KHSRP: variants seen among roughly 807,000 people sequenced by gnomAD.
KHSRP encodes the protein far upstream element-binding protein 2.
Under a neutral mutation model 94.9 loss-of-function variants are expected in KHSRP, and 13 were observed. That is an observed-to-expected ratio of 0.14 (90% confidence interval 0.09 to 0.22). The LOEUF is 0.22. Ranked by LOEUF, KHSRP falls within the 10% of genes least tolerant of loss-of-function variation. KHSRP has a pLI of 1.00. For missense variants in KHSRP, 710 were observed against 1,010.0 expected (o/e 0.70, Z 4.03); for synonymous variants, 495 against 401.4 (o/e 1.23, Z -2.79).
intron 1 of KHSRP, among the ~76,000 whole-genome samples, chr19:6,423,436 G>C (rs2092207187): frequency 1.3e-5 from 2 of 152,240 alleles, no homozygotes; most frequent in African/African-American, 4.8e-5. Flanking sequence ...CTTTCCACCA[G>C]TCTCCATTTT....
rs755808741 is a variant in KHSRP, at chr19:6,416,363, A to AGGGCCTGGGCCACCT, written c.1518_1532dup (p.Gly507_Pro511dup). 1 of 1,611,466 alleles carries AGGGCCTGGGCCACCT rather than the reference A, an allele frequency of 6.2e-7. No individual in the cohort carries two copies. The highest frequency in any genetic ancestry group is 1.7e-5 in the Admixed American group (1 of 59,072). ...GATTGAAGGGCCCCATTGGGCCAGC[A>AGGGCCTGGGCCACCT]GGGCCTGGGCCACCTGGGCCTGGTC... On this transcript the variant is annotated inframe_insertion, in exon 15 of 19. Transcript: ENST00000600480.
At position 6,418,794 on chromosome 19, in the gene KHSRP, C is replaced by T; in HGVS notation, c.688G>A (p.Gly230Ser). ...ATCTCCTGCACGGTGCCGTTCTGGC[C>T]CCCGTTGGCGTTGTCGTGGAACTGT... ...PGQFHDNANG[G>S]QNGTVQEIMI... Residue 230 changes from glycine to serine, a missense_variant, in exon 8 of 19, where the codon GGC becomes AGC. This residue lies in a region of KHSRP where 288 missense variants were observed against 501.1 expected (regional missense o/e 0.57). Coordinates refer to ENST00000600480, the MANE Select transcript of KHSRP (RefSeq NM_001366299.1). This position sits in a 1 kb window ranked among gnomAD's most constrained non-coding sequence, Gnocchi z 4.3. 1.2e-6 allele frequency: 2 copies of T among 1,600,332 alleles called. No individual in the cohort carries two copies. The highest frequency in any genetic ancestry group is 1.4e-5 in the African/African-American group (1 of 74,018).
At position 6,416,718 on chromosome 19, in the gene KHSRP, G is replaced by A. The variant is rs1360785799; in HGVS notation, c.1327+20C>T. 3 of 1,607,502 alleles carry A rather than the reference G, an allele frequency of 1.9e-6. No homozygotes were observed. The highest frequency in any genetic ancestry group is 2.6e-6 in the Non-Finnish European group (3 of 1,175,772). ...CAGGGAAGAGGGGGCAAGGGATAGG[G>A]TGCAGGGGGCCACACTCACCTCGGC... is the stretch of plus-strand genomic sequence containing the variant. On this transcript the variant is annotated intron_variant, in intron 13 of 18. Transcript: ENST00000600480.
intron 11 of KHSRP, 42 bp downstream of exon 11, chr19:6,417,697 T>TGG: frequency 6.5e-7 from 1 of 1,542,328 alleles, no homozygotes; most frequent in Non-Finnish European, 8.9e-7. Flanking sequence ...CCAAAGAGGG[T>TGG]GGGGGTGCAC....
At position 6,415,413 on chromosome 19, in the gene KHSRP, T is replaced by C; in HGVS notation, c.1933A>G (p.Thr645Ala). 6.3e-7 allele frequency: 1 copy of C among 1,591,398 alleles called. No individual in the cohort carries two copies. ...QPGAPPQQDY[T>A]KAWEEYYKKQ... Reference sequence around the variant, plus strand: ...TTGTAGTACTCCTCCCAAGCCTTCGTGTAGTCCTGCTGTGGGGGTGCTCCG... The same window carrying C: ...TTGTAGTACTCCTCCCAAGCCTTCGCGTAGTCCTGCTGTGGGGGTGCTCCG... The change falls in exon 18 of 19, where the codon ACG becomes GCG. Residue 645 changes from threonine to alanine, a missense_variant. Coordinates refer to ENST00000600480, the MANE Select transcript of KHSRP (RefSeq NM_001366299.1).
In KHSRP at chr19:6,417,083, G is replaced by A. The variant is rs747451237; in HGVS notation, c.1086C>T (p.Asp362=). The change falls in exon 12 of 19, where the codon GAC becomes GAT. Residue 362 remains aspartate, a synonymous_variant. Transcript: ENST00000600480. ...GAGCAATCTTCTCGGGCCCTGTCCC[G>A]TCATCTGAGGCCAGCACCGAGAGAG... ...AGVRIQFKQD[D]GTGPEKIAHI... is the part of the protein sequence containing the mutation. The A allele has an allele frequency of 1.6e-5, 26 of 1,608,680 alleles. No homozygotes were observed. Among genetic ancestry groups the A allele is most frequent in the East Asian group, 8.9e-5 (4 of 44,858 alleles).
chr19:6,414,090 A>C lies in KHSRP; in HGVS notation c.*934T>G. 2 of 1,609,658 alleles carry C rather than the reference A, an allele frequency of 1.2e-6. No individual in the cohort carries two copies. Among genetic ancestry groups the C allele is most frequent in the Non-Finnish European group, 1.7e-6 (2 of 1,177,890 alleles). ...AAAAAAAAAAGATTTTTCACAGATGAAGAAGTTCACATTCATTCGATTCAT... is the reference window on the plus strand; with the variant it reads ...AAAAAAAAAAGATTTTTCACAGATGCAGAAGTTCACATTCATTCGATTCAT... On this transcript the variant is annotated 3_prime_UTR_variant, in exon 19 of 19. Coordinates refer to ENST00000600480, the MANE Select transcript of KHSRP (RefSeq NM_001366299.1).
intron 6 of KHSRP, among the ~76,000 whole-genome samples, chr19:6,419,521 C>T (rs1034077608): frequency 6.6e-6 from 1 of 152,088 alleles, no homozygotes; most frequent in Non-Finnish European, 1.5e-5. Flanking sequence ...GTCCAGGAGC[C>T]GGCCACCCCC....
At chr19:6,417,582 G>A (rs968288715) in intron 11 of KHSRP, among the ~76,000 whole-genome samples, 157 bp downstream of exon 11, 5 of 152,326 alleles carry the variant, frequency 3.3e-5, no homozygotes, top group Non-Finnish European at 7.4e-5. Context: ...CTGTCCCAGA[G>A]AAGAGAAGGG....
rs986016464 is a variant in KHSRP at position 6,414,240 on chromosome 19, C to T, written c.*784G>A. The stretch of plus-strand genomic sequence containing the variant: ...GGGGGCCAGGAAGCCCCCTCCCAAA[C>T]CTGCGCTGGCTCAGGCTGGAAGGAC... On this transcript the variant is annotated 3_prime_UTR_variant, in exon 19 of 19. Transcript: ENST00000600480. 6.6e-7 allele frequency: 1 copy of T among 1,505,956 alleles called. No individual in the cohort carries two copies. Among genetic ancestry groups the T allele is most frequent in the South Asian group, 1.3e-5 (1 of 77,866 alleles). 93.3% of individuals were successfully genotyped at this position (1,505,956 alleles called of 1,614,324 possible).
intron 4 of KHSRP, 61 bp downstream of exon 4, chr19:6,421,217 C>A (rs960441459): frequency 1.3e-6 from 2 of 1,491,304 alleles, no homozygotes; most frequent in Non-Finnish European, 1.8e-6. Flanking sequence ...CCCAAGTCAG[C>A]AGAAAGGCCA....
Position 6,424,669 on chromosome 19 carries a change from G to C in KHSRP, c.33C>G (p.Pro11=). The C allele has an allele frequency of 9.8e-7, 1 of 1,023,840 alleles. No homozygotes were observed. Among genetic ancestry groups the C allele is most frequent in the Non-Finnish European group, 1.2e-6 (1 of 856,116 alleles). The allele number at this position is 1,023,840 out of a possible 1,614,324, so 63.4% of individuals were successfully genotyped here. A position where few individuals can be genotyped will look rare whatever the true frequency, so the allele number is the denominator to read the frequency against. Residue 11 remains proline, a synonymous_variant, in exon 1 of 19, where the codon CCC becomes CCG. Coordinates refer to ENST00000600480, the MANE Select transcript of KHSRP (RefSeq NM_001366299.1). MSDYSTGGPP[P]GPPPPAGGGG... ...CCCCGCCGGCGGGCGGCGGCGGCCC[G>C]GGCGGGGGTCCTCCCGTGCTGTAGT...
At chr19:6,420,225 C>T in intron 5 of KHSRP, 81 bp from the exon 6 acceptor site, 3 of 1,358,618 alleles carry the variant, frequency 2.2e-6, no homozygotes, top group Non-Finnish European at 3.1e-6. Context: ...GGCCGGGGCC[C>T]CAGCCCCTCT....
chr19:6,418,618 C>T lies in KHSRP; in HGVS notation c.781-37G>A, dbSNP rs367793935. On this transcript the variant is annotated intron_variant, in intron 8 of 18. Coordinates refer to ENST00000600480, the MANE Select transcript of KHSRP (RefSeq NM_001366299.1). This position sits in a 1 kb window ranked among gnomAD's most constrained non-coding sequence, Gnocchi z 4.3. Reference sequence around the variant, plus strand: ...AGGTTAACCGTTAGTGCTGGGCTCTCCCAGGACTTCCTGGGCTGCTGTGGT... The same window carrying T: ...AGGTTAACCGTTAGTGCTGGGCTCTTCCAGGACTTCCTGGGCTGCTGTGGT... 8.1e-6 allele frequency: 13 copies of T among 1,613,142 alleles called. No individual in the cohort carries two copies. The highest frequency in any genetic ancestry group is 1.1e-5 in the Non-Finnish European group (13 of 1,179,142).
Position 6,414,745 on chromosome 19 carries a change from A to G in KHSRP, c.*279T>C, listed in dbSNP as rs978544436. ...AAAGTGATGCAGAGAAGGGGAAAAAATAGACGTTTTCTTCCCAAGTGGCCA... is the reference window on the plus strand; with the variant it reads ...AAAGTGATGCAGAGAAGGGGAAAAAGTAGACGTTTTCTTCCCAAGTGGCCA... On this transcript the variant is annotated 3_prime_UTR_variant, in exon 19 of 19. Coordinates refer to ENST00000600480, the MANE Select transcript of KHSRP (RefSeq NM_001366299.1). 3.6e-5 allele frequency: 39 copies of G among 1,072,260 alleles called. No individual in the cohort carries two copies. The Admixed American group carries it at 5.0e-4, about 14-fold the overall frequency. The allele number at this position is 1,072,260 out of a possible 1,614,324, so 66.4% of individuals were successfully genotyped here. A position where few individuals can be genotyped will look rare whatever the true frequency, so the allele number is the denominator to read the frequency against.
At chr19:6,423,614 C>A (rs749184307) in intron 1 of KHSRP, among the ~76,000 whole-genome samples, 8 of 152,194 alleles carry the variant, frequency 5.3e-5, no homozygotes, top group African/African-American at 1.9e-4. Context: ...GTGAGAGAGA[C>A]GACAGAGGGC....
chr19:6,421,105 C>T lies in KHSRP; in HGVS notation c.425+173G>A, dbSNP rs750091787. ...CCCACAGCCCTTCAGACAAGGGGTA[C>T]GAGGAACGGACACAGCTCCTCTGCC... On this transcript the variant is annotated intron_variant, in intron 4 of 18. Transcript: ENST00000600480. 1.1e-4 allele frequency: 69 copies of T among 639,436 alleles called. 1 individual carries two copies. Among genetic ancestry groups the T allele is most frequent in the Non-Finnish European group, 1.5e-4 (56 of 361,370 alleles). 39.6% of individuals were successfully genotyped at this position (639,436 alleles called of 1,614,324 possible).
At chr19:6,419,967 C>T in intron 6 of KHSRP, 106 bp downstream of exon 6, 1 of 850,898 alleles carries the variant, frequency 1.2e-6, no homozygotes, top group Non-Finnish European at 1.9e-6. Context: ...CAACAAGCGC[C>T]AGCTCGCTTC....
chr19:6,424,616 C>G lies in KHSRP; in HGVS notation c.86G>C (p.Gly29Ala). 1.0e-6 allele frequency: 1 copy of G among 964,784 alleles called. No homozygotes were observed. The highest frequency in any genetic ancestry group is 1.2e-6 in the Non-Finnish European group (1 of 817,082). The allele number at this position is 964,784 out of a possible 1,614,324, so 59.8% of individuals were successfully genotyped here. A position where few individuals can be genotyped will look rare whatever the true frequency, so the allele number is the denominator to read the frequency against. Residue 29 changes from glycine to alanine, a missense_variant, in exon 1 of 19, where the codon GGC (glycine) becomes GCC (alanine). This residue lies in a region of KHSRP where 92 missense variants were observed against 80.8 expected (regional missense o/e 1.14). Transcript: ENST00000600480. ...GGGGAGGAGG[G>A]PPPGPPGAGD... Reference sequence around the variant, plus strand: ...CGCGCCTGGCGGGCCCGGCGGAGGGCCTCCCCCGGCGCCTCCGGCTCCCCC... The same window carrying G: ...CGCGCCTGGCGGGCCCGGCGGAGGGGCTCCCCCGGCGCCTCCGGCTCCCCC...
Sources: gnomAD v4.1 joint callset for allele counts (sites outside exome capture counted in the v4.1 genomes callset) on GRCh38, gnomAD v4.1.1 for gene constraint, gnomAD v4.1.1 regional missense constraint, Gnocchi (gnomAD v3.1) non-coding constraint, MANE v1.5 for transcripts, NCBI Gene and HGNC (gene_info 2026-07-23, HGNC 2026-07-21) for gene names.